THNSL1: variants seen among roughly 807,000 people sequenced by gnomAD.
The protein encoded by THNSL1 is threonine synthase-like 1.
A neutral mutation model predicts 50.4 loss-of-function variants in THNSL1; 48 were observed. The ratio of observed to expected loss-of-function variants is 0.95; its 90% CI spans 0.76 to 1.21. The LOEUF is 1.21. Among genes scored for constraint, THNSL1 ranks in the 50% most tolerant of loss-of-function variants. The pLI is 0.00. For missense variants in THNSL1, 896 were observed against 871.7 expected, an observed-to-expected ratio of 1.03 and a Z score of -0.35; for synonymous variants, 309 against 306.1, an observed-to-expected ratio of 1.01 and a Z score of -0.10.
chr10:24,975,296 G>A, the THNSL1 span, among the ~76,000 whole-genome samples: 1 of 152,222 alleles, frequency 6.6e-6, no homozygotes, highest in African/African-American at 2.4e-5. Flanking sequence ...TCAGGGGATA[G>A]AAAGGAAAGT....
chr10:24,954,755 G>A, the THNSL1 span, among the ~76,000 whole-genome samples: 5 of 152,094 alleles, frequency 3.3e-5, no homozygotes, highest in African/African-American at 1.2e-4. Flanking sequence ...TGTATATTTT[G>A]ATAATACTTT....
At chr10:25,016,307 G>A, upstream of THNSL1, 1 of 419,582 alleles carries the variant, frequency 2.4e-6, no homozygotes, top group Non-Finnish European at 3.3e-6. Context: ...GAAAGTTAAC[G>A]GGGTGAAAAT....
the THNSL1 span, among the ~76,000 whole-genome samples, chr10:24,975,720 C>A: frequency 1.3e-5 from 2 of 152,276 alleles, no homozygotes; most frequent in Admixed American, 1.3e-4. Context: ...TGAGGCCTCC[C>A]CAGCCATGTG....
At chr10:24,991,256 C>T in the THNSL1 span, among the ~76,000 whole-genome samples, 1 of 152,000 alleles carries the variant, frequency 6.6e-6, no homozygotes, top group East Asian at 1.9e-4. Flanking sequence ...ATAAGATATT[C>T]AAGAGTTGGC....
At chr10:24,965,480 C>T in the THNSL1 span, among the ~76,000 whole-genome samples, 2 of 152,134 alleles carry the variant, frequency 1.3e-5, no homozygotes, top group Non-Finnish European at 2.9e-5. Flanking sequence ...AGCTTACATG[C>T]TTCATCAAAT....
At chr10:24,963,031 C>A in the THNSL1 span, among the ~76,000 whole-genome samples, 2 of 152,038 alleles carry the variant, frequency 1.3e-5, no homozygotes, top group African/African-American at 4.8e-5. Flanking sequence ...ATAATAATTT[C>A]TTTCTAATTC....
At chr10:24,960,551 C>T in the THNSL1 span, among the ~76,000 whole-genome samples, 5 of 151,896 alleles carry the variant, frequency 3.3e-5, no homozygotes, top group Non-Finnish European at 7.4e-5. Context: ...CTCAGCCACC[C>T]GAGAAGCTGG....
chr10:24,975,422 T>C, the THNSL1 span, among the ~76,000 whole-genome samples: 3 of 152,188 alleles, frequency 2.0e-5, no homozygotes, highest in Non-Finnish European at 2.9e-5. Flanking sequence ...GAGCACACGA[T>C]AGCAAACTGT....
chr10:24,990,756 T>G, the THNSL1 span: 1 of 793,108 alleles, frequency 1.3e-6, no homozygotes, highest in South Asian at 2.4e-5. Context: ...TTCAGTGACT[T>G]TTTTCCCTCC....
upstream of THNSL1, among the ~76,000 whole-genome samples, chr10:25,012,601 G>T (rs1488593356): frequency 6.6e-6 from 1 of 152,208 alleles, no homozygotes; most frequent in African/African-American, 2.4e-5. Context: ...TTAGAATCTG[G>T]ACTTGCAAGG....
chr10:24,962,766 T>C, the THNSL1 span, among the ~76,000 whole-genome samples: 4 of 152,224 alleles, frequency 2.6e-5, no homozygotes, highest in Admixed American at 2.6e-4. Context: ...CTTCTGCGTC[T>C]TAGCTCAGCA....
At position 25,024,807 on chromosome 10, in the gene THNSL1, A is replaced by G; in HGVS notation, c.1584A>G (p.Arg528=). 1.9e-6 allele frequency: 3 copies of G among 1,614,216 alleles called. No individual in the cohort carries two copies. The Middle Eastern group carries it at 4.9e-4, about 266-fold the overall frequency. ...VYAKMMGIPI[R]KFICASNQNH... ...CCAAAATGATGGGAATCCCGATTCG[A>G]AAATTTATCTGTGCCTCTAATCAGA... Residue 528 remains arginine, a synonymous_variant, in exon 3 of 3, where the codon CGA becomes CGG. Coordinates refer to ENST00000376356, the MANE Select transcript of THNSL1 (RefSeq NM_024838.5).
the THNSL1 span, among the ~76,000 whole-genome samples, chr10:24,967,544 TCAAA>T: frequency 0.013 from 1,969 of 152,296 alleles, 57 homozygotes; most frequent in African/African-American, 0.045. Context: ...GTTTAGGTCC[TCAAA>T]CAAATTTTAC....
chr10:24,959,777 G>A, the THNSL1 span, among the ~76,000 whole-genome samples: 5 of 151,840 alleles, frequency 3.3e-5, no homozygotes, highest in African/African-American at 1.2e-4. Context: ...TGCTTTTAAT[G>A]TTTTCTCCAA....
At chr10:24,981,264 A>G in the THNSL1 span, among the ~76,000 whole-genome samples, 1,897 of 152,298 alleles carry the variant, frequency 0.012, 26 homozygotes, top group Middle Eastern at 0.065. Context: ...AATATCACCC[A>G]TGAGGCTTTG....
chr10:25,023,959 G>A lies in THNSL1; in HGVS notation c.736G>A (p.Val246Ile), dbSNP rs1850781221. 1 of 1,614,078 alleles carries A rather than the reference G, an allele frequency of 6.2e-7. No homozygotes were observed. The highest frequency in any genetic ancestry group is 8.5e-7 in the Non-Finnish European group (1 of 1,180,020). ...HVWPEDCEQK[V>I]SAKFFSEAVI... is the part of the protein sequence containing the mutation. ...TTGGCCTGAAGACTGTGAACAGAAG[G>A]TTTCAGCAAAATTCTTTAGTGAAGC... Residue 246 changes from valine (V) to isoleucine (I), a missense_variant, in exon 3 of 3, where the codon GTT becomes ATT. Val to Ile is a conservative substitution (Grantham distance 29). Coordinates refer to ENST00000376356, the MANE Select transcript of THNSL1 (RefSeq NM_024838.5).
the THNSL1 span, chr10:24,984,617 T>A: frequency 9.2e-7 from 1 of 1,082,140 alleles, no homozygotes; most frequent in Non-Finnish European, 1.3e-6. Context: ...GCATTCTGAT[T>A]AAGACTATTT....
At chr10:25,018,666 T>TG (rs1362571035) in intron 1 of THNSL1, among the ~76,000 whole-genome samples, 1 of 151,150 alleles carries the variant, frequency 6.6e-6, no homozygotes, top group Admixed American at 6.6e-5. Context: ...GTTGTTTTTT[T>TG]TTTTTTTTTT....
chr10:25,001,191 C>T, the THNSL1 span, among the ~76,000 whole-genome samples: 1 of 151,914 alleles, frequency 6.6e-6, no homozygotes, highest in Non-Finnish European at 1.5e-5. Flanking sequence ...TAACTGGTAC[C>T]ATTCCTTCTC....
Sources: allele counts gnomAD v4.1 joint callset (sites outside exome capture counted in the v4.1 genomes callset), GRCh38; gene constraint gnomAD v4.1.1; transcripts MANE v1.5; gene names NCBI Gene and HGNC (gene_info 2026-07-23, HGNC 2026-07-21).